Variants in RAB29 observed in about 807,000 individuals in gnomAD.
RAB29 encodes RAB29, member RAS oncogene family, also known as ras-related protein Rab-29.
Under a neutral mutation model 25.5 loss-of-function variants are expected in RAB29, and 13 were observed. That is an observed-to-expected ratio of 0.51 (90% CI 0.33 to 0.81). The LOEUF (loss-of-function observed/expected upper bound fraction) is 0.81. Among genes scored for constraint, RAB29 ranks in the 30% least tolerant of loss-of-function variants. RAB29 has a pLI of 0.02. For synonymous variants in RAB29, 88 were observed against 95.0 expected, an observed-to-expected ratio of 0.93 and a Z score of 0.43; for missense variants, 201 against 254.9, an observed-to-expected ratio of 0.79 and a Z score of 1.44.
Position 205,774,810 on chromosome 1 carries a change from TCCCCAC to T in RAB29, c.124+17_124+22del. 1.9e-6 allele frequency: 1 copy of T among 522,990 alleles called. No homozygotes were observed. Among genetic ancestry groups the T allele is most frequent in the Non-Finnish European group, 3.2e-6 (1 of 315,024 alleles). 32.4% of individuals were successfully genotyped at this position (522,990 alleles called of 1,614,324 possible). A position where few individuals can be genotyped will look rare whatever the true frequency, so the allele number is the denominator to read the frequency against. ...CGGGGCCTCCTCCTCCCCCTCCCCC[TCCCCAC>T]CCCCGAGACGTCTCACCTCCCACCG... On this transcript the variant is annotated intron_variant, in intron 2 of 5. Transcript: ENST00000367139.
intron 3 of RAB29, 150 bp from the exon 4 acceptor site, chr1:205,771,803 A>C: frequency 1.2e-6 from 1 of 811,656 alleles, no homozygotes; most frequent in Non-Finnish European, 2.1e-6. Context: ...GGGATAATGA[A>C]GCCCAATTAT....
intron 2 of RAB29, 41 bp downstream of exon 2, chr1:205,774,792 T>TGCGGCGG: frequency 1.6e-6 from 2 of 1,287,994 alleles, no homozygotes; most frequent in Non-Finnish European, 2.2e-6. Flanking sequence ...GGTCGGGGCC[T>TGCGGCGG]CCTCCTCCCC....
At chr1:205,771,769 A>C in intron 3 of RAB29, 116 bp from the exon 4 acceptor site, 1 of 1,055,502 alleles carries the variant, frequency 9.5e-7, no homozygotes, top group Non-Finnish European at 1.4e-6. Flanking sequence ...TCCCCCTCTG[A>C]CTCTTGGTTT....
Position 205,770,793 on chromosome 1 carries a change from C to A in RAB29, c.440G>T (p.Gly147Val), listed in dbSNP as rs777346083. Reference protein sequence around the residue: ...DQIDRFSKENGFTGWTETSVK... With the variant: ...DQIDRFSKENVFTGWTETSVK... Reference sequence around the variant, plus strand: ...TGATGTTTCTGTCCAACCTGTGAAACCGTTCTCTTTACTGAACCGGTCAAT... The same window carrying A: ...TGATGTTTCTGTCCAACCTGTGAAAACGTTCTCTTTACTGAACCGGTCAAT... The change falls in exon 5 of 6, where the codon GGT becomes GTT. Residue 147 changes from glycine to valine, a missense_variant. By Grantham distance (109) the Gly-to-Val change is moderately radical (BLOSUM62 -3). Transcript: ENST00000367139. The A allele has an allele frequency of 2.7e-5, 43 of 1,614,016 alleles. No individual in the cohort carries two copies. The highest frequency in any genetic ancestry group is 6.7e-5 in the East Asian group (3 of 44,900).
chr1:205,771,388 G>T, intron 4 of RAB29, 84 bp downstream of exon 4: 1 of 1,502,200 alleles, frequency 6.7e-7, no homozygotes, highest in Non-Finnish European at 9.3e-7. Context: ...AAGGGGAAAT[G>T]GATGCCCAGA....
chr1:205,773,416 C>T (rs1296445402), intron 2 of RAB29, among the ~76,000 whole-genome samples: 3 of 152,180 alleles, frequency 2.0e-5, no homozygotes, highest in African/African-American at 7.2e-5. Context: ...TAACCCAAAT[C>T]CGTGAAATAG....
At chr1:205,771,024 C>T (rs908049639) in intron 4 of RAB29, 170 bp from the exon 5 acceptor site, 25 of 937,228 alleles carry the variant, frequency 2.7e-5, no homozygotes, top group Admixed American at 1.2e-4. Context: ...CTTGGCTGGG[C>T]GCAGTGGCTC....
chr1:205,771,430 C>G (rs1558068334), intron 4 of RAB29, 42 bp downstream of exon 4: 2 of 1,599,714 alleles, frequency 1.3e-6, no homozygotes, highest in Non-Finnish European at 1.7e-6. Context: ...TTTCTAACCA[C>G]AGATAGAGGC....
intron 5 of RAB29, 137 bp from the exon 6 acceptor site, chr1:205,770,590 G>C: frequency 6.9e-7 from 1 of 1,442,734 alleles, no homozygotes; most frequent in East Asian, 2.4e-5. Context: ...GTTATCTCAG[G>C]AAAGACAGTA....
chr1:205,770,517 G>T, intron 5 of RAB29, 64 bp from the exon 6 acceptor site: 3 of 1,476,032 alleles, frequency 2.0e-6, no homozygotes, highest in South Asian at 1.2e-5. Flanking sequence ...GGCAGATGTA[G>T]TCTGACTTAT....
In RAB29 at chr1:205,774,819, C is replaced by CCCCCCCCCGG; in HGVS notation, c.124+13_124+14insCCGGGGGGGG. 1 of 1,586,006 alleles carries CCCCCCCCCGG rather than the reference C, an allele frequency of 6.3e-7. No individual in the cohort carries two copies. Among genetic ancestry groups the CCCCCCCCCGG allele is most frequent in the Non-Finnish European group, 8.6e-7 (1 of 1,165,076 alleles). The stretch of plus-strand genomic sequence containing the variant: ...CTCCTCCCCCTCCCCCTCCCCACCC[C>CCCCCCCCCGG]CGAGACGTCTCACCTCCCACCGTGG... On this transcript the variant is annotated intron_variant, in intron 2 of 5. Transcript: ENST00000367139.
At position 205,770,843 on chromosome 1, in the gene RAB29, G is replaced by A; in HGVS notation, c.390C>T (p.Ser130=). Residue 130 remains serine, a synonymous_variant, in exon 5 of 6, where the codon TCC becomes TCT. Coordinates refer to ENST00000367139, the MANE Select transcript of RAB29 (RefSeq NM_003929.3). ...CLLLANKCDL[S]PWAVSRDQID... The stretch of plus-strand genomic sequence containing the variant: ...TCTGGTCCCGGCTCACTGCCCAAGG[G>A]GACAGATCACACTAGCAAAGAGAAA... The A allele has an allele frequency of 6.2e-7, 1 of 1,613,908 alleles. No individual in the cohort carries two copies. Among genetic ancestry groups the A allele is most frequent in the African/African-American group, 1.3e-5 (1 of 74,928 alleles).
At chr1:205,775,214 C>A (rs1655260539) in intron 1 of RAB29, 59 bp downstream of exon 1, 1 of 462,974 alleles carries the variant, frequency 2.2e-6, no homozygotes, top group Non-Finnish European at 3.9e-6. Flanking sequence ...GCACCTTCCC[C>A]ACCCCCTCCT....
At position 205,771,611 on chromosome 1, in the gene RAB29, T is replaced by C; in HGVS notation, c.239A>G (p.Asp80Gly). The C allele has an allele frequency of 6.2e-7, 1 of 1,614,140 alleles. No individual in the cohort carries two copies. Among genetic ancestry groups the C allele is most frequent in the Non-Finnish European group, 8.5e-7 (1 of 1,180,012 alleles). ...FTSMTRLYYRDASACVIMFDV... is the reference protein window; with the variant it reads ...FTSMTRLYYRGASACVIMFDV... ...AAACATAATAACACAGGCAGAGGCA[T>C]CCCGATAATACAATCGTGTCATAGA... is the stretch of plus-strand genomic sequence containing the variant. The change falls in exon 4 of 6, where the codon GAT (aspartate) becomes GGT (glycine). Residue 80 changes from aspartate (D) to glycine (G), a missense_variant. Physicochemically the swap from Asp to Gly is moderately conservative, Grantham distance 94. Coordinates refer to ENST00000367139, the MANE Select transcript of RAB29 (RefSeq NM_003929.3).
intron 2 of RAB29, 35 bp downstream of exon 2, chr1:205,774,793 CCTCCT>C: frequency 1.6e-6 from 2 of 1,245,292 alleles, no homozygotes. Flanking sequence ...GTCGGGGCCT[CCTCCT>C]CCCCCTCCCC....
In RAB29 at chr1:205,771,506, C is replaced by T; in HGVS notation, c.344G>A (p.Gly115Glu). The change falls in exon 4 of 6, where the codon GGA (glycine) becomes GAA (glutamate). Residue 115 changes from glycine to glutamate, a missense_variant. Transcript: ENST00000367139. ...CAAGAGCAGGCAGGGCACCGGCTCT[C>T]CATTGGGTAGTGTGAGCTTGCTGTC... Reference protein sequence around the residue: ...DLDSKLTLPNGEPVPCLLLAN... With the variant: ...DLDSKLTLPNEEPVPCLLLAN... 1.2e-6 allele frequency: 2 copies of T among 1,614,194 alleles called. No individual in the cohort carries two copies. The highest frequency in any genetic ancestry group is 1.7e-6 in the Non-Finnish European group (2 of 1,180,040).
Position 205,770,128 on chromosome 1 carries a change from C to G in RAB29, c.*214G>C. 1.7e-6 allele frequency: 1 copy of G among 590,846 alleles called. No homozygotes were observed. Among genetic ancestry groups the G allele is most frequent in the Non-Finnish European group, 3.0e-6 (1 of 330,982 alleles). The allele number at this position is 590,846 out of a possible 1,614,324, so 36.6% of individuals were successfully genotyped here. A position where few individuals can be genotyped will look rare whatever the true frequency, so the allele number is the denominator to read the frequency against. ...CTTACACCGAAGGCACTAACTGGCA[C>G]TAATGTGAGCCAGCAACATGTGAAA... On this transcript the variant is annotated 3_prime_UTR_variant, in exon 6 of 6. Coordinates refer to ENST00000367139, the MANE Select transcript of RAB29 (RefSeq NM_003929.3).
intron 2 of RAB29, among the ~76,000 whole-genome samples, chr1:205,774,221 A>C (rs1356550228): frequency 6.6e-6 from 1 of 152,272 alleles, no homozygotes; most frequent in African/African-American, 2.4e-5. Flanking sequence ...ATCAACGGAC[A>C]AAAACACAGC....
At position 205,770,730 on chromosome 1, in the gene RAB29, T is replaced by C. The variant is rs754339825; in HGVS notation, c.500+3A>G. ...TGCATGCCTATCAGCATGAGCTACT[T>C]ACCTCATAGCCTCATTAATATTTTT... On this transcript the variant is annotated splice_donor_region_variant and intron_variant, in intron 5 of 5. Transcript: ENST00000367139. 1 of 1,614,108 alleles carries C rather than the reference T, an allele frequency of 6.2e-7. No homozygotes were observed. The highest frequency in any genetic ancestry group is 8.5e-7 in the Non-Finnish European group (1 of 1,180,000).
Sources: gnomAD v4.1 joint callset for allele counts (sites outside exome capture counted in the v4.1 genomes callset) on GRCh38, gnomAD v4.1.1 for gene constraint, MANE v1.5 for transcripts, NCBI Gene and HGNC (gene_info 2026-07-23, HGNC 2026-07-21) for gene names.